Variants in TFCP2L1 observed in about 807,000 individuals in gnomAD.
TFCP2L1 encodes the protein transcription factor CP2-like protein 1.
TFCP2L1 carries 12 observed loss-of-function variants against 72.2 expected under a neutral mutation model. The ratio of observed to expected loss-of-function variants is 0.17; its 90% CI spans 0.11 to 0.27. TFCP2L1 has a LOEUF of 0.27. Among genes scored for constraint, TFCP2L1 ranks in the 10% least tolerant of loss-of-function variants. The pLI is 1.00. For missense variants in TFCP2L1, 488 were observed against 624.6 expected (o/e 0.78, Z 2.33); for synonymous variants, 260 against 251.0 (o/e 1.04, Z -0.34).
chr2:121,218,909 C>G lies in TFCP2L1; in HGVS notation c.*5432G>C, dbSNP rs957149601. ...CAGGAGCTCTCAGGGTGCCCCTGGG[C>G]AGGTCCCAAGGAGGCCTGGGGTGCC... is the stretch of plus-strand genomic sequence containing the variant. On this transcript the variant is annotated 3_prime_UTR_variant, in exon 15 of 15. Coordinates refer to ENST00000263707, the MANE Select transcript of TFCP2L1 (RefSeq NM_014553.3). 1 of 152,204 alleles carries G rather than the reference C, an allele frequency of 6.6e-6. No individual in the cohort carries two copies. Among genetic ancestry groups the G allele is most frequent in the Non-Finnish European group, 1.5e-5 (1 of 68,070 alleles). The allele number at this position is 152,204 out of a possible 1,614,324, so 9.4% of individuals were successfully genotyped here.
At chr2:121,264,999 A>G (rs1435659439) in intron 2 of TFCP2L1, among the ~76,000 whole-genome samples, 1 of 152,220 alleles carries the variant, frequency 6.6e-6, no homozygotes, top group African/African-American at 2.4e-5. Flanking sequence ...AAATGCAAAC[A>G]TAGGTCCACA....
intron 2 of TFCP2L1, among the ~76,000 whole-genome samples, chr2:121,268,413 GCACGAT>G (rs1185985384): frequency 4.0e-5 from 6 of 151,870 alleles, no homozygotes; most frequent in African/African-American, 1.5e-4. Flanking sequence ...GAGTGCAGTG[GCACGAT>G]CTCGGCTCAC....
rs987153821 is a variant in TFCP2L1 at position 121,218,691 on chromosome 2, T to C, written c.*5650A>G. 1 of 152,290 alleles carries C rather than the reference T, an allele frequency of 6.6e-6. No homozygotes were observed. Among genetic ancestry groups the C allele is most frequent in the Non-Finnish European group, 1.5e-5 (1 of 68,148 alleles). 9.4% of individuals were successfully genotyped at this position (152,290 alleles called of 1,614,324 possible). The stretch of plus-strand genomic sequence containing the variant: ...GCCCTGCACAGGAGCAGAAAACCCA[T>C]GCCTCAGAGCTACTTCCTAAGGACA... On this transcript the variant is annotated 3_prime_UTR_variant, in exon 15 of 15. Transcript: ENST00000263707.
intron 13 of TFCP2L1, among the ~76,000 whole-genome samples, chr2:121,228,604 T>A (rs866912641): frequency 1.8e-4 from 26 of 146,240 alleles, no homozygotes; most frequent in South Asian, 6.5e-4. Flanking sequence ...TACAAAAAAT[T>A]AAAAAAAAAA....
Position 121,246,906 on chromosome 2 carries a change from C to A in TFCP2L1, c.569G>T (p.Arg190Leu). 6.2e-7 allele frequency: 1 copy of A among 1,614,116 alleles called. No homozygotes were observed. The highest frequency in any genetic ancestry group is 1.3e-5 in the African/African-American group (1 of 75,018). ...KHGGEKGVPF[R>L]VQIDTFKQNE... ...CTGCTTAAACGTGTCAATCTGGACT[C>A]GAAAGGGCACTCCCTTCTCGCCCCC... is the stretch of plus-strand genomic sequence containing the variant. The change falls in exon 6 of 15, where the codon CGA becomes CTA. Residue 190 changes from arginine (R) to leucine (L), a missense_variant. Around this residue, in one of 3 missense-constraint regions of TFCP2L1, gnomAD observed 129 missense variants for 236.0 expected, o/e 0.55. Coordinates refer to ENST00000263707, the MANE Select transcript of TFCP2L1 (RefSeq NM_014553.3).
chr2:121,240,829 G>T, intron 7 of TFCP2L1: 2 of 811,952 alleles, frequency 2.5e-6, no homozygotes, highest in Non-Finnish European at 3.0e-6. Flanking sequence ...CTCCTTTGCG[G>T]GCCGTGGGGG....
rs776200100 is a variant in TFCP2L1 at position 121,242,368 on chromosome 2, G to A, written c.759C>T (p.Ile253=). 3.1e-6 allele frequency: 5 copies of A among 1,614,112 alleles called. No individual in the cohort carries two copies. Among genetic ancestry groups the A allele is most frequent in the Non-Finnish European group, 4.2e-6 (5 of 1,179,972 alleles). ...CACCCAGCCGGCTCACCTCTGTGAG[G>A]ATGGTGGTTTCATAGGACGGCTGGT... ...EKYQPSYETT[I]LTECSPWPDV... is the part of the protein sequence containing the mutation. Residue 253 remains isoleucine (I), a synonymous_variant, in exon 7 of 15, where the codon ATC becomes ATT. Coordinates refer to ENST00000263707, the MANE Select transcript of TFCP2L1 (RefSeq NM_014553.3).
intron 2 of TFCP2L1, among the ~76,000 whole-genome samples, chr2:121,277,209 C>G (rs566765986): frequency 6.6e-6 from 1 of 152,092 alleles, no homozygotes; most frequent in Non-Finnish European, 1.5e-5. Context: ...CACAGAAATG[C>G]TAATTTAAGG....
chr2:121,221,321 T>C lies in TFCP2L1; in HGVS notation c.*3020A>G, dbSNP rs988041530. On this transcript the variant is annotated 3_prime_UTR_variant, in exon 15 of 15. Coordinates refer to ENST00000263707, the MANE Select transcript of TFCP2L1 (RefSeq NM_014553.3). ...CAGAGAGAGATAGGACTCAGTACCG[T>C]TGACTCAGGTAAAGAGGGAGACAGC... The C allele has an allele frequency of 1.3e-5, 2 of 151,764 alleles. No individual in the cohort carries two copies. The highest frequency in any genetic ancestry group is 2.4e-5 in the African/African-American group (1 of 41,270). The allele number at this position is 151,764 out of a possible 1,614,324, so 9.4% of individuals were successfully genotyped here.
chr2:121,283,883 G>A (rs1444851066), intron 1 of TFCP2L1, among the ~76,000 whole-genome samples: 1 of 152,154 alleles, frequency 6.6e-6, no homozygotes, highest in Non-Finnish European at 1.5e-5. Flanking sequence ...CTTCCCTCTG[G>A]TGACATCACC....
intron 8 of TFCP2L1, among the ~76,000 whole-genome samples, chr2:121,238,051 C>T (rs906594010): frequency 6.6e-6 from 1 of 152,238 alleles, no homozygotes; most frequent in African/African-American, 2.4e-5. Flanking sequence ...ACTGAGCCTT[C>T]ATTGTAGACA....
At chr2:121,241,212 G>T (rs1454940434) in intron 7 of TFCP2L1, among the ~76,000 whole-genome samples, 1 of 152,240 alleles carries the variant, frequency 6.6e-6, no homozygotes, top group Non-Finnish European at 1.5e-5. Context: ...GGGAAGAGGA[G>T]GTTAGGTGCA....
At chr2:121,244,047 G>A (rs965886617) in intron 6 of TFCP2L1, among the ~76,000 whole-genome samples, 4 of 152,034 alleles carry the variant, frequency 2.6e-5, no homozygotes, top group Admixed American at 6.6e-5. Context: ...CCAGCGTCCC[G>A]GGTAAGAGTG....
In TFCP2L1 at chr2:121,242,101, AAAAAAAAG is replaced by A. The variant is rs1205645037; in HGVS notation, c.768+250_768+257del. Among the ~76,000 whole-genome samples, 337 of 150,914 alleles carry A rather than the reference AAAAAAAAG, an allele frequency of 2.2e-3. 2 individuals carry two copies. Among genetic ancestry groups the A allele is most frequent in the African/African-American group, 7.7e-3 (313 of 40,556 alleles). ...ACCTACTCAAAAAAAAAAAAAAAAA[AAAAAAAAG>A]GGAACCTAATTTGGGAAAGCACAAA... is the stretch of plus-strand genomic sequence containing the variant. On this transcript the variant is annotated intron_variant, in intron 7 of 14. Transcript: ENST00000263707.
rs1377074818 is a variant in TFCP2L1, at chr2:121,223,083, A to G, written c.*1258T>C. On this transcript the variant is annotated 3_prime_UTR_variant, in exon 15 of 15. Transcript: ENST00000263707. ...CCCTGTTTTATTCTGGTAGTCCTTC[A>G]GTCTAGCACTTCATTCCACAGAAGC... 2 of 152,202 alleles carry G rather than the reference A, an allele frequency of 1.3e-5. No individual in the cohort carries two copies. Among genetic ancestry groups the G allele is most frequent in the African/African-American group, 4.8e-5 (2 of 41,446 alleles). 9.4% of individuals were successfully genotyped at this position (152,202 alleles called of 1,614,324 possible).
At chr2:121,263,124 G>A (rs2104733624) in intron 2 of TFCP2L1, among the ~76,000 whole-genome samples, 1 of 152,212 alleles carries the variant, frequency 6.6e-6, no homozygotes, top group Non-Finnish European at 1.5e-5. Flanking sequence ...TAGTAGAGAT[G>A]GGGTTTCTCC....
chr2:121,271,200 T>C (rs77957444), intron 2 of TFCP2L1, among the ~76,000 whole-genome samples: 2 of 129,956 alleles, frequency 1.5e-5, no homozygotes, highest in Admixed American at 7.8e-5. Flanking sequence ...AAAATAAAAA[T>C]AAAAAAAAAA....
intron 12 of TFCP2L1, 21 bp from the exon 13 acceptor site, chr2:121,231,989 T>A (rs1558727313): frequency 1.9e-6 from 3 of 1,558,202 alleles, no homozygotes. Flanking sequence ...GAGGAGCAAG[T>A]GCTGCTTTCC....
At chr2:121,226,100 G>A (rs973309274) in intron 13 of TFCP2L1, among the ~76,000 whole-genome samples, 5 of 148,884 alleles carry the variant, frequency 3.4e-5, no homozygotes, top group Non-Finnish European at 6.0e-5. Context: ...CCACTGCCAC[G>A]GTGTCTACAC....
Sources: allele counts gnomAD v4.1 joint callset (sites outside exome capture counted in the v4.1 genomes callset), GRCh38; gene constraint gnomAD v4.1.1; regional missense constraint gnomAD v4.1.1; transcripts MANE v1.5; gene names NCBI Gene and HGNC (gene_info 2026-07-23, HGNC 2026-07-21).